The following ENDOU variants were observed in gnomAD, a reference collection of about 807,000 sequenced individuals.
ENDOU encodes endonuclease, poly(U) specific, also known as uridylate-specific endoribonuclease.
ENDOU carries 49 observed loss-of-function variants against 54.2 expected under a neutral mutation model. The observed-to-expected ratio is 0.90, with a 90% CI of 0.72 to 1.15. The LOEUF (loss-of-function observed/expected upper bound fraction) is 1.15, where lower values mean the gene tolerates loss of function less well. Ranked by LOEUF, ENDOU falls within the 50% of genes most tolerant of loss-of-function variation. The pLI is 0.00. For missense variants in ENDOU, 458 were observed against 511.4 expected, an observed-to-expected ratio of 0.90 and a Z score of 1.01; for synonymous variants, 172 against 190.5, an observed-to-expected ratio of 0.90 and a Z score of 0.80.
At chr12:47,710,966 G>T in intron 9 of ENDOU, 47 bp from the exon 10 acceptor site, 1 of 1,268,002 alleles carries the variant, frequency 7.9e-7, no homozygotes, top group Non-Finnish European at 1.1e-6. Flanking sequence ...ACTTCACGCT[G>T]CCTCTCCCTG....
intron 7 of ENDOU, among the ~76,000 whole-genome samples, chr12:47,713,072 T>G (rs1216301735): frequency 6.6e-6 from 1 of 152,022 alleles, no homozygotes; most frequent in East Asian, 1.9e-4. Flanking sequence ...CCCCCTTAGG[T>G]ACTCCAGAAA....
At chr12:47,718,020 A>T (rs971610906) in intron 3 of ENDOU, 109 bp downstream of exon 3, 33 of 988,132 alleles carry the variant, frequency 3.3e-5, no homozygotes, top group Non-Finnish European at 4.9e-5. Context: ...AGCCTCTCTC[A>T]TCTGGCTGAG....
chr12:47,717,408 T>A lies in ENDOU; in HGVS notation c.382+110A>T, dbSNP rs552002374. The A allele has an allele frequency of 7.9e-6, 10 of 1,268,770 alleles. No individual in the cohort carries two copies. The South Asian group carries it at 1.3e-4, about 16-fold the overall frequency. 78.6% of individuals were successfully genotyped at this position (1,268,770 alleles called of 1,614,324 possible). ...AGTGAAGCCCCAGAGTTTGTGTTTC[T>A]AACAAGTTCTCAGACATTGCTGAAG... On this transcript the variant is annotated intron_variant, in intron 4 of 9. Transcript: ENST00000422538.
chr12:47,718,200 G>A lies in ENDOU; in HGVS notation c.179-6C>T. 2.5e-6 allele frequency: 4 copies of A among 1,573,486 alleles called. No individual in the cohort carries two copies. Among genetic ancestry groups the A allele is most frequent in the Non-Finnish European group, 3.5e-6 (4 of 1,157,368 alleles). ...CTCTGACTCTTTGTGGTCCTCTGCAGGTAGATAGAAAAATAAAGTCACCAA... is the reference window on the plus strand; with the variant it reads ...CTCTGACTCTTTGTGGTCCTCTGCAAGTAGATAGAAAAATAAAGTCACCAA... On this transcript the variant is annotated splice_region_variant and splice_polypyrimidine_tract_variant and intron_variant, in intron 2 of 9. Coordinates refer to ENST00000422538, the MANE Select transcript of ENDOU (RefSeq NM_001172439.2).
At chr12:47,724,420 G>T (rs1417163270) in intron 1 of ENDOU, among the ~76,000 whole-genome samples, 1 of 152,194 alleles carries the variant, frequency 6.6e-6, no homozygotes, top group Non-Finnish European at 1.5e-5. Flanking sequence ...AGTTGGAAAT[G>T]ACCCCAAGCG....
chr12:47,710,588 T>G lies in ENDOU; in HGVS notation c.*214A>C. On this transcript the variant is annotated 3_prime_UTR_variant, in exon 10 of 10. Coordinates refer to ENST00000422538, the MANE Select transcript of ENDOU (RefSeq NM_001172439.2). ...TGTTTCTTAGTCAACATTGCCAAAA[T>G]TCTAGAGGATAAAGGTTTGACTGTT... 2.0e-6 allele frequency: 1 copy of G among 493,566 alleles called. No homozygotes were observed. Among genetic ancestry groups the G allele is most frequent in the Non-Finnish European group, 3.7e-6 (1 of 269,750 alleles). 30.6% of individuals were successfully genotyped at this position (493,566 alleles called of 1,614,324 possible).
chr12:47,718,106 C>T (rs550079202), intron 3 of ENDOU, 23 bp downstream of exon 3: 10 of 1,552,096 alleles, frequency 6.4e-6, no homozygotes, highest in South Asian at 1.2e-5. Context: ...CTTGAGGGCC[C>T]CCCTTTGGGG....
At chr12:47,716,605 A>G in intron 5 of ENDOU, 106 bp from the exon 6 acceptor site, 1 of 1,027,500 alleles carries the variant, frequency 9.7e-7, no homozygotes, top group Non-Finnish European at 1.4e-6. Context: ...GGCTGGGTTC[A>G]GGAGCCGAGG....
chr12:47,716,525 C>T, intron 5 of ENDOU, 26 bp from the exon 6 acceptor site: 1 of 1,608,892 alleles, frequency 6.2e-7, no homozygotes, highest in Non-Finnish European at 8.5e-7. Context: ...GGGAGCCCCA[C>T]TGAGAGCCCC....
rs1017244305 is a variant in ENDOU, at chr12:47,710,520, G to T, written c.*282C>A. The T allele has an allele frequency of 1.3e-5, 4 of 308,054 alleles. No homozygotes were observed. The highest frequency in any genetic ancestry group is 2.5e-5 in the Non-Finnish European group (4 of 158,486). The allele number at this position is 308,054 out of a possible 1,614,324, so 19.1% of individuals were successfully genotyped here. A position where few individuals can be genotyped will look rare whatever the true frequency, so the allele number is the denominator to read the frequency against. ...TCTTCCTAGTTCCCCCACACATCAG[G>T]GCAGAGAGCTATGGAGGGTTCCTAC... is the stretch of plus-strand genomic sequence containing the variant. On this transcript the variant is annotated 3_prime_UTR_variant, in exon 10 of 10. Coordinates refer to ENST00000422538, the MANE Select transcript of ENDOU (RefSeq NM_001172439.2).
intron 3 of ENDOU, 109 bp downstream of exon 3, chr12:47,718,020 A>C (rs971610906): frequency 2.2e-5 from 22 of 988,250 alleles, no homozygotes; most frequent in Non-Finnish European, 3.2e-5. Flanking sequence ...AGCCTCTCTC[A>C]TCTGGCTGAG....
chr12:47,724,813 C>A (rs1409824028), intron 1 of ENDOU, among the ~76,000 whole-genome samples: 2 of 152,218 alleles, frequency 1.3e-5, no homozygotes, highest in Admixed American at 6.5e-5. Flanking sequence ...AACAGAGATC[C>A]ATTCCTCTGA....
chr12:47,718,721 A>G (rs1940341343), intron 2 of ENDOU, among the ~76,000 whole-genome samples: 1 of 151,962 alleles, frequency 6.6e-6, no homozygotes, highest in South Asian at 2.1e-4. Context: ...GCACATTCCT[A>G]TTGCTGCCCC....
intron 1 of ENDOU, among the ~76,000 whole-genome samples, chr12:47,722,166 G>T (rs757971824): frequency 2.0e-5 from 3 of 152,192 alleles, no homozygotes; most frequent in South Asian, 2.1e-4. Flanking sequence ...TTCAATACAG[G>T]TGTAGTATCT....
chr12:47,718,904 C>A (rs1940347136), intron 2 of ENDOU, among the ~76,000 whole-genome samples: 1 of 152,132 alleles, frequency 6.6e-6, no homozygotes, highest in Admixed American at 6.5e-5. Flanking sequence ...ACCCAACAAA[C>A]AGTACTGTTA....
intron 6 of ENDOU, among the ~76,000 whole-genome samples, chr12:47,713,745 G>GA (rs1042148650): frequency 1.3e-5 from 2 of 150,756 alleles, no homozygotes; most frequent in African/African-American, 4.9e-5. Context: ...GTTGGCGGGG[G>GA]GGGGGGGTCT....
intron 3 of ENDOU, 46 bp downstream of exon 3, chr12:47,718,083 C>A (rs1940319252): frequency 6.7e-7 from 1 of 1,501,714 alleles, no homozygotes; most frequent in African/African-American, 1.4e-5. Context: ...CCCTCATGTC[C>A]CTCCTGCTTT....
At chr12:47,714,579 G>A (rs1940158396) in intron 6 of ENDOU, among the ~76,000 whole-genome samples, 1 of 152,240 alleles carries the variant, frequency 6.6e-6, no homozygotes, top group Non-Finnish European at 1.5e-5. Flanking sequence ...GAGGAGATGG[G>A]AGTAGGGAAC....
intron 6 of ENDOU, 145 bp downstream of exon 6, chr12:47,716,155 C>CA: frequency 1.3e-6 from 1 of 790,100 alleles, no homozygotes; most frequent in East Asian, 2.5e-5. Flanking sequence ...CCCCTGGCCT[C>CA]ATCCCTCATC....
Sources: allele counts gnomAD v4.1 joint callset (sites outside exome capture counted in the v4.1 genomes callset), GRCh38; gene constraint gnomAD v4.1.1; transcripts MANE v1.5; gene names NCBI Gene and HGNC (gene_info 2026-07-23, HGNC 2026-07-21).